The following FAM13A variants were observed in gnomAD, a reference collection of about 807,000 sequenced individuals.
FAM13A encodes the protein protein FAM13A.
In FAM13A, 76 loss-of-function variants were observed where a neutral mutation model predicts 129.6. That is an observed-to-expected ratio of 0.59 (90% CI 0.49 to 0.71). The LOEUF (loss-of-function observed/expected upper bound fraction) is 0.71, where lower values mean the gene tolerates loss of function less well. Among genes scored for constraint, FAM13A ranks in the 30% least tolerant of loss-of-function variants. The pLI, the probability that FAM13A is intolerant of heterozygous loss-of-function variation, is 0.00. For synonymous variants in FAM13A, 443 were observed against 449.9 expected, an observed-to-expected ratio of 0.98 and a Z score of 0.20; for missense variants, 1,108 against 1,249.3, an observed-to-expected ratio of 0.89 and a Z score of 1.70.
At chr4:88,987,351 T>A (rs1427736599) in intron 4 of FAM13A, among the ~76,000 whole-genome samples, 1 of 152,184 alleles carries the variant, frequency 6.6e-6, no homozygotes, top group Non-Finnish European at 1.5e-5. Context: ...GAATACACAT[T>A]TGCATGATGC....
At chr4:89,004,781 T>A (rs1229705272) in intron 3 of FAM13A, among the ~76,000 whole-genome samples, 1 of 152,090 alleles carries the variant, frequency 6.6e-6, no homozygotes, top group African/African-American at 2.4e-5. Context: ...AGTTGGGACA[T>A]AAGCATTGGG....
At position 88,953,910 on chromosome 4, in the gene FAM13A, C is replaced by T. The variant is rs1010589953; in HGVS notation, c.606-15669G>A. Among the ~76,000 whole-genome samples the T allele has an allele frequency of 9.2e-5, 14 of 152,016 alleles. 1 individual carries two copies. In the East Asian group the frequency reaches 2.3e-3, roughly 25 times the overall value. The stretch of plus-strand genomic sequence containing the variant: ...CTGTTGTGTCTTACCTCTTCTTGTA[C>T]GTATTTTTAAAAAGCAATCAGGTGC... On this transcript the variant is annotated intron_variant, in intron 4 of 23. Transcript: ENST00000264344.
At chr4:88,804,982 T>C (rs1216129831) in intron 8 of FAM13A, 29 bp downstream of exon 8, 1 of 1,374,450 alleles carries the variant, frequency 7.3e-7, no homozygotes. Context: ...TTATTCCCTG[T>C]AGTAGACCAA....
chr4:88,860,177 A>C (rs1167125171), intron 6 of FAM13A, among the ~76,000 whole-genome samples: 1 of 152,246 alleles, frequency 6.6e-6, no homozygotes, highest in Non-Finnish European at 1.5e-5. Flanking sequence ...AAATAAGTTC[A>C]TCAAAGCACT....
At chr4:88,903,648 G>C (rs1274368191) in intron 6 of FAM13A, among the ~76,000 whole-genome samples, 2 of 151,582 alleles carry the variant, frequency 1.3e-5, no homozygotes, top group Non-Finnish European at 3.0e-5. Flanking sequence ...TTAGAGTTTT[G>C]GGTTTTACAT....
intron 21 of FAM13A, among the ~76,000 whole-genome samples, chr4:88,735,493 T>TA (rs1174090215): frequency 6.6e-6 from 1 of 152,176 alleles, no homozygotes; most frequent in African/African-American, 2.4e-5. Context: ...AGGGGATTCT[T>TA]ATGTTGGCTA....
At chr4:88,965,664 C>A (rs1402050364) in intron 4 of FAM13A, among the ~76,000 whole-genome samples, 1 of 152,058 alleles carries the variant, frequency 6.6e-6, no homozygotes, top group African/African-American at 2.4e-5. Flanking sequence ...TATGACAGAT[C>A]TCCAGAACAT....
At chr4:88,887,368 A>AT (rs1744591602) in intron 6 of FAM13A, among the ~76,000 whole-genome samples, 1 of 152,168 alleles carries the variant, frequency 6.6e-6, no homozygotes, top group Admixed American at 6.5e-5. Context: ...GAATACTGAG[A>AT]TAACTAAATA....
rs556483849 is a variant in FAM13A at position 88,835,926 on chromosome 4, C to T, written c.1007+15094G>A. 2.6e-5 allele frequency among the ~76,000 whole-genome samples: 4 copies of T among 152,226 alleles called. No individual in the cohort carries two copies. In the South Asian group the frequency reaches 8.3e-4, roughly 32 times the overall value. On this transcript the variant is annotated intron_variant, in intron 7 of 23. Transcript: ENST00000264344. ...ATGGCCTGGGGGTTGGGGACCCCTGCTCTATATAATTTCTCTGAAACATGA... is the reference window on the plus strand; with the variant it reads ...ATGGCCTGGGGGTTGGGGACCCCTGTTCTATATAATTTCTCTGAAACATGA...
intron 14 of FAM13A, among the ~76,000 whole-genome samples, chr4:88,751,013 G>A (rs759066120): frequency 7.2e-5 from 11 of 152,178 alleles, no homozygotes; most frequent in Non-Finnish European, 7.3e-5. Context: ...AAGCCAAGGC[G>A]GACGGATCAC....
At chr4:89,028,685 T>C (rs1768303605) in intron 2 of FAM13A, among the ~76,000 whole-genome samples, 1 of 151,522 alleles carries the variant, frequency 6.6e-6, no homozygotes, top group Non-Finnish European at 1.5e-5. Context: ...AGCAAGACCC[T>C]ATCTCTTAAA....
chr4:88,859,847 C>T (rs1488534447), intron 6 of FAM13A, among the ~76,000 whole-genome samples: 1 of 152,088 alleles, frequency 6.6e-6, no homozygotes, highest in Non-Finnish European at 1.5e-5. Flanking sequence ...TAGCTTGTTT[C>T]CACATGTTGT....
At chr4:88,883,090 G>A (rs1371750489) in intron 6 of FAM13A, among the ~76,000 whole-genome samples, 1 of 152,040 alleles carries the variant, frequency 6.6e-6, no homozygotes, top group Non-Finnish European at 1.5e-5. Flanking sequence ...TCCACTGACA[G>A]GACTAGACAG....
At chr4:88,978,989 T>C (rs1761287940) in intron 4 of FAM13A, among the ~76,000 whole-genome samples, 1 of 152,226 alleles carries the variant, frequency 6.6e-6, no homozygotes, top group South Asian at 2.1e-4. Context: ...TTAATAGTTG[T>C]ATTAAGAAAA....
At chr4:88,959,122 T>C in intron 4 of FAM13A, among the ~76,000 whole-genome samples, 1 of 152,334 alleles carries the variant, frequency 6.6e-6, no homozygotes, top group African/African-American at 2.4e-5. Context: ...AGCTCATAAG[T>C]GAAAGGGACA....
chr4:88,740,965 C>A (rs1740121518), intron 19 of FAM13A, among the ~76,000 whole-genome samples: 1 of 152,184 alleles, frequency 6.6e-6, no homozygotes, highest in Non-Finnish European at 1.5e-5. Context: ...GACTAAGGAT[C>A]AAACCACAGA....
chr4:88,971,371 A>T (rs2148951012), intron 4 of FAM13A, among the ~76,000 whole-genome samples: 1 of 152,292 alleles, frequency 6.6e-6, no homozygotes, highest in East Asian at 1.9e-4. Context: ...TCATTCAAGC[A>T]TGTATTTGGC....
chr4:88,986,577 C>T (rs917396634), intron 4 of FAM13A, among the ~76,000 whole-genome samples: 1 of 152,234 alleles, frequency 6.6e-6, no homozygotes, highest in Non-Finnish European at 1.5e-5. Context: ...GACAACCACC[C>T]TTTACTTTGA....
At chr4:88,847,703 G>C (rs796218009) in intron 7 of FAM13A, among the ~76,000 whole-genome samples, 7 of 152,308 alleles carry the variant, frequency 4.6e-5, no homozygotes, top group African/African-American at 1.7e-4. Flanking sequence ...GGGAGGCCGA[G>C]GCGGGTGGTT....
Sources: gnomAD v4.1 joint callset for allele counts (sites outside exome capture counted in the v4.1 genomes callset) on GRCh38, gnomAD v4.1.1 for gene constraint, MANE v1.5 for transcripts, NCBI Gene and HGNC (gene_info 2026-07-23, HGNC 2026-07-21) for gene names.